The following SEMA6D variants were observed in gnomAD, a reference collection of about 807,000 sequenced individuals.
The protein encoded by SEMA6D is semaphorin 6D, also known as semaphorin-6D.
In SEMA6D, 35 loss-of-function variants were observed where a neutral mutation model predicts 106.6. The ratio of observed to expected loss-of-function variants is 0.33; its 90% CI spans 0.25 to 0.44. The LOEUF is 0.44. SEMA6D is among the 20% of genes least tolerant of loss of function. SEMA6D has a pLI of 1.00. For synonymous variants in SEMA6D, 499 were observed against 487.7 expected, an observed-to-expected ratio of 1.02 and a Z score of -0.31; for missense variants, 1,185 against 1,345.9, an observed-to-expected ratio of 0.88 and a Z score of 1.87.
chr15:47,222,054 C>T (rs536805161), intron 1 of SEMA6D, among the ~76,000 whole-genome samples: 3 of 152,230 alleles, frequency 2.0e-5, no homozygotes, highest in East Asian at 3.9e-4. Flanking sequence ...CTCACACACA[C>T]GCAAGTGTTT....
At chr15:47,505,114 G>A (rs2043997849) in intron 3 of SEMA6D, among the ~76,000 whole-genome samples, 1 of 152,112 alleles carries the variant, frequency 6.6e-6, no homozygotes, top group Admixed American at 6.6e-5. Flanking sequence ...AGGCCTTCCG[G>A]AAGTTAGATC....
intron 4 of SEMA6D, among the ~76,000 whole-genome samples, chr15:47,665,185 C>T (rs1308895020): frequency 2.0e-5 from 3 of 152,126 alleles, no homozygotes; most frequent in Non-Finnish European, 2.9e-5. Flanking sequence ...ATGATTCTTG[C>T]TTGATATTAT....
chr15:47,707,048 GATCTA>G (rs1449073072), intron 4 of SEMA6D, among the ~76,000 whole-genome samples: 1 of 152,174 alleles, frequency 6.6e-6, no homozygotes, highest in Admixed American at 6.5e-5. Flanking sequence ...AATTGGAAGT[GATCTA>G]ATCTTTTATT....
intron 4 of SEMA6D, among the ~76,000 whole-genome samples, chr15:47,676,925 T>C (rs957295298): frequency 6.6e-6 from 1 of 151,190 alleles, no homozygotes; most frequent in Admixed American, 6.6e-5. Context: ...GACAGTTTTT[T>C]CATGTGGGGT....
At chr15:47,429,091 A>C (rs2140512073) in intron 2 of SEMA6D, among the ~76,000 whole-genome samples, 1 of 152,128 alleles carries the variant, frequency 6.6e-6, no homozygotes, top group Admixed American at 6.5e-5. Flanking sequence ...GACCACAGCA[A>C]GTACTAGTGA....
intron 1 of SEMA6D, among the ~76,000 whole-genome samples, chr15:47,263,764 A>G (rs1203481407): frequency 6.6e-6 from 1 of 151,724 alleles, no homozygotes; most frequent in Non-Finnish European, 1.5e-5. Context: ...GCCACATAGT[A>G]TTCTGTATTG....
chr15:47,416,256 C>T (rs893918930), intron 2 of SEMA6D, among the ~76,000 whole-genome samples: 1 of 152,070 alleles, frequency 6.6e-6, no homozygotes. Flanking sequence ...TTAAAATCCA[C>T]CCTCATTTCT....
chr15:47,549,566 G>A (rs1253700680), intron 3 of SEMA6D, among the ~76,000 whole-genome samples: 1 of 152,054 alleles, frequency 6.6e-6, no homozygotes, highest in Non-Finnish European at 1.5e-5. Context: ...ATATTAAATG[G>A]AAGAAAGGTT....
chr15:47,600,311 A>G (rs1347548013), intron 3 of SEMA6D, among the ~76,000 whole-genome samples: 6 of 152,126 alleles, frequency 3.9e-5, no homozygotes, highest in African/African-American at 1.2e-4. Context: ...GAAACTTCCA[A>G]CTCATTATTT....
intron 4 of SEMA6D, among the ~76,000 whole-genome samples, chr15:47,666,134 G>A (rs915073447): frequency 7.2e-5 from 11 of 152,156 alleles, no homozygotes; most frequent in African/African-American, 2.7e-4. Context: ...GCTGTTAAAG[G>A]AAATTTTGTA....
At position 47,304,668 on chromosome 15, in the gene SEMA6D, C is replaced by T. The variant is rs2036166379; in HGVS notation, c.-238-107725C>T. ...TACACAAGTTAATATTTCTTATATA[C>T]CCATTACTTGTAAAACTCAAATTGC... On this transcript the variant is annotated intron_variant, in intron 1 of 19. Transcript: ENST00000558014. 2.0e-5 allele frequency among the ~76,000 whole-genome samples: 3 copies of T among 152,046 alleles called. No individual in the cohort carries two copies. The South Asian group carries it at 6.2e-4, about 32-fold the overall frequency.
chr15:47,410,922 G>T (rs1434542866), intron 1 of SEMA6D, among the ~76,000 whole-genome samples: 1 of 151,906 alleles, frequency 6.6e-6, no homozygotes, highest in Non-Finnish European at 1.5e-5. Context: ...CCATAATACA[G>T]GTATGGAAAA....
At chr15:47,577,780 CTGT>C (rs1357848257) in intron 3 of SEMA6D, among the ~76,000 whole-genome samples, 25 of 152,314 alleles carry the variant, frequency 1.6e-4, no homozygotes, top group African/African-American at 5.3e-4. Context: ...GAAAGTTAAC[CTGT>C]TCTCTGCCTC....
intron 1 of SEMA6D, among the ~76,000 whole-genome samples, chr15:47,323,973 A>G (rs780698408): frequency 7.8e-6 from 1 of 127,660 alleles, no homozygotes; most frequent in Non-Finnish European, 1.6e-5. Context: ...CACAATTGAC[A>G]TATACAAGTG....
chr15:47,587,539 G>A (rs1312071315), intron 3 of SEMA6D, among the ~76,000 whole-genome samples: 2 of 152,196 alleles, frequency 1.3e-5, no homozygotes, highest in African/African-American at 2.4e-5. Flanking sequence ...TATATATGGT[G>A]CAAAATAAAT....
At chr15:47,511,437 C>T (rs556595223) in intron 3 of SEMA6D, among the ~76,000 whole-genome samples, 4 of 152,184 alleles carry the variant, frequency 2.6e-5, no homozygotes, top group African/African-American at 4.8e-5. Flanking sequence ...ATGACTTGAC[C>T]GGGATTGGAC....
At chr15:47,236,472 A>C (rs980019675) in intron 1 of SEMA6D, among the ~76,000 whole-genome samples, 11 of 152,158 alleles carry the variant, frequency 7.2e-5, no homozygotes, top group Non-Finnish European at 1.3e-4. Context: ...TTAAAAAACA[A>C]ATGCTAAATT....
At chr15:47,600,694 C>G (rs1456714274) in intron 3 of SEMA6D, among the ~76,000 whole-genome samples, 3 of 152,094 alleles carry the variant, frequency 2.0e-5, no homozygotes, top group African/African-American at 7.2e-5. Flanking sequence ...TAGAATCCAA[C>G]TTAGCTTAAG....
At chr15:47,377,946 AAGTTTATACC>A (rs1448447060) in intron 1 of SEMA6D, among the ~76,000 whole-genome samples, 1 of 152,134 alleles carries the variant, frequency 6.6e-6, no homozygotes, top group Non-Finnish European at 1.5e-5. Flanking sequence ...TTTTAGGTGA[AAGTTTATACC>A]ACCTGGTCCC....
Sources: allele counts gnomAD v4.1 joint callset (sites outside exome capture counted in the v4.1 genomes callset), GRCh38; gene constraint gnomAD v4.1.1; transcripts MANE v1.5; gene names NCBI Gene and HGNC (gene_info 2026-07-23, HGNC 2026-07-21).